The following GRID1 variants were observed in gnomAD, a reference collection of about 807,000 sequenced individuals.
GRID1 encodes the protein glutamate receptor ionotropic, delta-1.
In GRID1, 28 loss-of-function variants were observed where a neutral mutation model predicts 98.0. That is an observed-to-expected ratio of 0.29 (90% CI 0.21 to 0.39). The LOEUF (loss-of-function observed/expected upper bound fraction) is 0.39. Among genes scored for constraint, GRID1 ranks in the 10% least tolerant of loss-of-function variants. GRID1 has a pLI of 1.00. For missense variants in GRID1, 1,111 were observed against 1,340.5 expected (o/e 0.83, Z 2.67); for synonymous variants, 553 against 538.5 (o/e 1.03, Z -0.37).
chr10:86,155,810 C>T (rs890073824), intron 3 of GRID1, among the ~76,000 whole-genome samples: 5 of 152,144 alleles, frequency 3.3e-5, no homozygotes, highest in African/African-American at 1.2e-4. Flanking sequence ...AATCTCTAGC[C>T]GGGGCTGGGC....
At chr10:85,891,756 G>C (rs952798067) in intron 5 of GRID1, among the ~76,000 whole-genome samples, 4 of 152,132 alleles carry the variant, frequency 2.6e-5, no homozygotes, top group Non-Finnish European at 5.9e-5. Flanking sequence ...CAAGGAGGGA[G>C]AAAGTCTTTA....
intron 8 of GRID1, among the ~76,000 whole-genome samples, chr10:85,745,832 A>G (rs1339035561): frequency 2.6e-5 from 4 of 152,176 alleles, no homozygotes; most frequent in Non-Finnish European, 5.9e-5. Flanking sequence ...GAAGTATGGG[A>G]AGGAAATCAG....
chr10:85,788,799 GAGCACCAGAC>G (rs970697101), intron 8 of GRID1, among the ~76,000 whole-genome samples: 1 of 152,230 alleles, frequency 6.6e-6, no homozygotes, highest in African/African-American at 2.4e-5. Flanking sequence ...ATGAGTTGCT[GAGCACCAGAC>G]TGCACCAGCC....
chr10:85,746,432 A>G (rs913597477), intron 8 of GRID1, among the ~76,000 whole-genome samples: 6 of 152,150 alleles, frequency 3.9e-5, no homozygotes, highest in Non-Finnish European at 8.8e-5. Context: ...CCACATTTAC[A>G]TACAAAGCCT....
intron 14 of GRID1, 149 bp from the exon 15 acceptor site, chr10:85,613,796 C>T: frequency 1.1e-6 from 1 of 930,846 alleles, no homozygotes. Flanking sequence ...TCTTCCCAGT[C>T]TACTCTCCAC....
chr10:85,881,070 C>G (rs1007077059), intron 5 of GRID1, among the ~76,000 whole-genome samples: 1 of 152,042 alleles, frequency 6.6e-6, no homozygotes, highest in Non-Finnish European at 1.5e-5. Context: ...TTACAAGGGA[C>G]GTGAGGGACC....
chr10:86,105,105 T>C (rs1844361813), intron 4 of GRID1, among the ~76,000 whole-genome samples: 1 of 152,230 alleles, frequency 6.6e-6, no homozygotes, highest in Admixed American at 6.5e-5. Flanking sequence ...TCTGAAGATC[T>C]GGACAGGGTT....
chr10:86,071,082 G>A (rs542710093), intron 4 of GRID1, among the ~76,000 whole-genome samples: 1 of 152,344 alleles, frequency 6.6e-6, no homozygotes, highest in East Asian at 1.9e-4. Flanking sequence ...GGTAACTTAT[G>A]TGAATGTTTT....
chr10:86,295,456 G>C (rs548830854), intron 2 of GRID1, among the ~76,000 whole-genome samples: 1 of 152,324 alleles, frequency 6.6e-6, no homozygotes, highest in South Asian at 2.1e-4. Context: ...AGGCAGGCAG[G>C]TGTGGGGATG....
intron 12 of GRID1, among the ~76,000 whole-genome samples, chr10:85,702,267 T>TA (rs1841460141): frequency 6.6e-6 from 1 of 151,258 alleles, no homozygotes; most frequent in Non-Finnish European, 1.5e-5. Flanking sequence ...GAAGGGGAAA[T>TA]AAAAATATAT....
chr10:86,035,383 A>T (rs1481187114), intron 4 of GRID1, among the ~76,000 whole-genome samples: 1 of 152,242 alleles, frequency 6.6e-6, no homozygotes, highest in Admixed American at 6.5e-5. Context: ...GTTGCCAAAA[A>T]AGGGTGTCTA....
chr10:86,179,670 T>C lies in GRID1; in HGVS notation c.520+26694A>G, dbSNP rs141966368. On this transcript the variant is annotated intron_variant, in intron 3 of 15. Coordinates refer to ENST00000327946, the MANE Select transcript of GRID1 (RefSeq NM_017551.3). Reference sequence around the variant, plus strand: ...GTCCTACCCTCTATGGGAACATCTGTACGAACCTCAGGGCCACAGCCAATC... The same window carrying C: ...GTCCTACCCTCTATGGGAACATCTGCACGAACCTCAGGGCCACAGCCAATC... Among the ~76,000 whole-genome samples the C allele has an allele frequency of 7.0e-4, 106 of 152,302 alleles. 1 individual carries two copies. The highest frequency in any genetic ancestry group is 2.1e-3 in the African/African-American group (89 of 41,566).
At chr10:85,811,919 TCAAAGACAAAGAGAG>T (rs1213686358) in intron 8 of GRID1, among the ~76,000 whole-genome samples, 2 of 152,048 alleles carry the variant, frequency 1.3e-5, no homozygotes, top group Non-Finnish European at 2.9e-5. Flanking sequence ...TAATCATCAA[TCAAAGACAAAGAGAG>T]CATTCTAAAA....
intron 4 of GRID1, among the ~76,000 whole-genome samples, chr10:86,133,400 C>G (rs185040945): frequency 6.6e-6 from 1 of 152,224 alleles, no homozygotes; most frequent in Admixed American, 6.5e-5. Flanking sequence ...CCACCACACA[C>G]GCTGATCTCT....
intron 2 of GRID1, among the ~76,000 whole-genome samples, chr10:86,306,644 T>C (rs1009373702): frequency 6.6e-6 from 1 of 151,516 alleles, no homozygotes; most frequent in African/African-American, 2.4e-5. Context: ...GTCGGAGCAG[T>C]GAAGAAAGGA....
chr10:86,087,483 C>T (rs549630362), intron 4 of GRID1, among the ~76,000 whole-genome samples: 3 of 121,622 alleles, frequency 2.5e-5, no homozygotes, highest in Non-Finnish European at 5.5e-5. Context: ...TGTGTCTCTA[C>T]AAGAAGATCC....
At chr10:86,119,810 A>G (rs940823607) in intron 4 of GRID1, among the ~76,000 whole-genome samples, 4 of 151,930 alleles carry the variant, frequency 2.6e-5, no homozygotes, top group Non-Finnish European at 5.9e-5. Flanking sequence ...GGTTTTTTTG[A>G]GACAGAGTCT....
chr10:86,345,066 C>T (rs1001958483), intron 2 of GRID1, among the ~76,000 whole-genome samples: 1 of 152,162 alleles, frequency 6.6e-6, no homozygotes, highest in Non-Finnish European at 1.5e-5. Context: ...ACCAATCAGA[C>T]TGGCCTTCCC....
chr10:85,638,907 C>A (rs1172606421), intron 13 of GRID1, among the ~76,000 whole-genome samples: 3 of 152,140 alleles, frequency 2.0e-5, no homozygotes, highest in Admixed American at 2.0e-4. Flanking sequence ...ACTAAATTGG[C>A]TGCAACCAAA....
Sources: gnomAD v4.1 joint callset for allele counts (sites outside exome capture counted in the v4.1 genomes callset) on GRCh38, gnomAD v4.1.1 for gene constraint, MANE v1.5 for transcripts, NCBI Gene and HGNC (gene_info 2026-07-23, HGNC 2026-07-21) for gene names.